Variants in CORO2A observed in about 807,000 individuals in gnomAD.
CORO2A encodes the protein coronin-2A.
In CORO2A, 47 loss-of-function variants were observed where a neutral mutation model predicts 62.4. That is an observed-to-expected ratio of 0.75 (90% CI 0.60 to 0.96). CORO2A has a LOEUF of 0.96. CORO2A is among the 40% of genes least tolerant of loss of function. The pLI is 0.00. For synonymous variants in CORO2A, 273 were observed against 268.9 expected (o/e 1.02, Z -0.15); for missense variants, 610 against 684.1 (o/e 0.89, Z 1.21).
chr9:98,148,432 A>T (rs1827675108), intron 2 of CORO2A, among the ~76,000 whole-genome samples: 1 of 151,140 alleles, frequency 6.6e-6, no homozygotes, highest in Admixed American at 6.6e-5. Context: ...AATAAATAAA[A>T]ATTTAAAAAA....
intron 2 of CORO2A, among the ~76,000 whole-genome samples, chr9:98,152,810 GAA>G (rs973737853): frequency 6.6e-6 from 1 of 151,996 alleles, no homozygotes; most frequent in Non-Finnish European, 1.5e-5. Context: ...ACATTCTACT[GAA>G]CAACTGACCT....
intron 1 of CORO2A, among the ~76,000 whole-genome samples, chr9:98,173,559 T>A (rs898145583): frequency 3.3e-5 from 5 of 152,126 alleles, no homozygotes; most frequent in Admixed American, 6.5e-5. Context: ...CTTCTCAACA[T>A]ATAAATTGCA....
chr9:98,149,699 C>T (rs1437568217), intron 2 of CORO2A, among the ~76,000 whole-genome samples: 4 of 152,176 alleles, frequency 2.6e-5, no homozygotes, highest in African/African-American at 7.2e-5. Flanking sequence ...GACCCAAACA[C>T]CTCCCATGAG....
chr9:98,130,902 C>T, intron 7 of CORO2A, 53 bp downstream of exon 7: 34 of 1,454,220 alleles, frequency 2.3e-5, no homozygotes, highest in Non-Finnish European at 2.9e-5. Context: ...AGGCTGCTGT[C>T]TGCCGCTGTC....
At chr9:98,157,423 C>G in intron 2 of CORO2A, 37 bp downstream of exon 2, 1 of 1,601,134 alleles carries the variant, frequency 6.2e-7, no homozygotes, top group South Asian at 1.1e-5. Context: ...TCCTGCCCTG[C>G]CTCCAGAGAG....
At chr9:98,187,535 C>T (rs767894629) in intron 1 of CORO2A, among the ~76,000 whole-genome samples, 1 of 151,764 alleles carries the variant, frequency 6.6e-6, no homozygotes, top group Admixed American at 6.6e-5. Context: ...GATGGAAGTC[C>T]AAGACTAAGA....
At chr9:98,155,192 T>C (rs903504566) in intron 2 of CORO2A, among the ~76,000 whole-genome samples, 1 of 152,214 alleles carries the variant, frequency 6.6e-6, no homozygotes, top group African/African-American at 2.4e-5. Context: ...TTTTCTTTGC[T>C]ATGAAGTGCT....
intron 2 of CORO2A, among the ~76,000 whole-genome samples, chr9:98,146,741 G>A (rs1413600993): frequency 6.6e-6 from 1 of 152,176 alleles, no homozygotes; most frequent in African/African-American, 2.4e-5. Context: ...GCTCCCATTC[G>A]GGTCCTGGAC....
intron 1 of CORO2A, among the ~76,000 whole-genome samples, chr9:98,190,347 C>T (rs1828291605): frequency 6.6e-6 from 1 of 152,184 alleles, no homozygotes; most frequent in South Asian, 2.1e-4. Flanking sequence ...ATGCCACAGG[C>T]GAATCCCTAT....
Position 98,132,122 on chromosome 9 carries a change from A to G in CORO2A, c.765+63T>C, listed in dbSNP as rs1827416703. ...AATGGGTGTCTAAATGAATGCATGCATGAATGAATGACACTGGCTCTCAGC... is the reference window on the plus strand; with the variant it reads ...AATGGGTGTCTAAATGAATGCATGCGTGAATGAATGACACTGGCTCTCAGC... On this transcript the variant is annotated intron_variant, in intron 6 of 11. Transcript: ENST00000375077. 4.9e-6 allele frequency: 6 copies of G among 1,216,750 alleles called. No individual in the cohort carries two copies. The Admixed American group carries it at 1.0e-4, about 21-fold the overall frequency. The allele number at this position is 1,216,750 out of a possible 1,614,324, so 75.4% of individuals were successfully genotyped here.
chr9:98,129,729 T>A (rs1827377553), intron 8 of CORO2A, 65 bp downstream of exon 8: 4 of 1,279,354 alleles, frequency 3.1e-6, no homozygotes, highest in South Asian at 1.2e-5. Context: ...CTGACCCTGA[T>A]TCTCCCACCT....
chr9:98,182,806 A>G (rs1828193877), intron 1 of CORO2A, among the ~76,000 whole-genome samples: 1 of 152,240 alleles, frequency 6.6e-6, no homozygotes, highest in Non-Finnish European at 1.5e-5. Flanking sequence ...GCCACATGTC[A>G]AATGATTCCA....
chr9:98,130,147 T>G lies in CORO2A; in HGVS notation c.871-257A>C, dbSNP rs115218865. ...TATTGCCCAGGCTGGAGAGCAGTAG[T>G]GCAATCACAGCTCATTGCAACCTCC... On this transcript the variant is annotated intron_variant, in intron 7 of 11. Coordinates refer to ENST00000375077, the MANE Select transcript of CORO2A (RefSeq NM_052820.4). 8.2e-3 allele frequency among the ~76,000 whole-genome samples: 1,242 copies of G among 152,234 alleles called. 18 individuals are homozygous for G. Among genetic ancestry groups the G allele is most frequent in the African/African-American group, 0.028 (1,178 of 41,550 alleles).
chr9:98,163,008 C>G (rs185499399), intron 1 of CORO2A, among the ~76,000 whole-genome samples: 4 of 152,298 alleles, frequency 2.6e-5, no homozygotes, highest in African/African-American at 4.8e-5. Flanking sequence ...CAGGCATTCT[C>G]AGGTGTGGCA....
intron 1 of CORO2A, among the ~76,000 whole-genome samples, chr9:98,165,782 T>C (rs1827950768): frequency 1.3e-5 from 2 of 152,214 alleles, no homozygotes; most frequent in South Asian, 4.1e-4. Flanking sequence ...ATGCAGTAGT[T>C]CTCAAAGTGC....
chr9:98,128,164 C>T lies in CORO2A; in HGVS notation c.1171+6G>A. On this transcript the variant is annotated splice_donor_region_variant and intron_variant, in intron 10 of 11. Transcript: ENST00000375077. Reference sequence around the variant, plus strand: ...TTTGCCTGGGCCTCTTCTCTGCCTTCCTCACCTCGATTCATCCCGCTGAGC... The same window carrying T: ...TTTGCCTGGGCCTCTTCTCTGCCTTTCTCACCTCGATTCATCCCGCTGAGC... The T allele has an allele frequency of 6.2e-7, 1 of 1,610,940 alleles. No homozygotes were observed. The highest frequency in any genetic ancestry group is 8.5e-7 in the Non-Finnish European group (1 of 1,177,956).
At chr9:98,156,463 A>G (rs117715733) in intron 2 of CORO2A, among the ~76,000 whole-genome samples, 2 of 152,294 alleles carry the variant, frequency 1.3e-5, no homozygotes, top group East Asian at 3.9e-4. Context: ...GTTTTGTGAT[A>G]TATTTCATTT....
chr9:98,179,184 G>A (rs775975893), intron 1 of CORO2A, among the ~76,000 whole-genome samples: 4 of 152,264 alleles, frequency 2.6e-5, no homozygotes, highest in East Asian at 1.9e-4. Context: ...TGACATCTGC[G>A]GACTGGGAAG....
chr9:98,177,387 G>T (rs948834603), intron 1 of CORO2A, among the ~76,000 whole-genome samples: 6 of 151,828 alleles, frequency 4.0e-5, no homozygotes, highest in Non-Finnish European at 8.8e-5. Flanking sequence ...GATCACAAAC[G>T]TGGTGGCGTG....
Sources: gnomAD v4.1 joint callset for allele counts (sites outside exome capture counted in the v4.1 genomes callset) on GRCh38, gnomAD v4.1.1 for gene constraint, MANE v1.5 for transcripts, NCBI Gene and HGNC (gene_info 2026-07-23, HGNC 2026-07-21) for gene names.